GRM7: variants seen among roughly 807,000 people sequenced by gnomAD.
The protein encoded by GRM7 is glutamate metabotropic receptor 7.
Under a neutral mutation model 84.5 loss-of-function variants are expected in GRM7, and 35 were observed. The observed-to-expected ratio is 0.41, with a 90% confidence interval of 0.32 to 0.55. The LOEUF (loss-of-function observed/expected upper bound fraction) is 0.55. GRM7 is among the 20% of genes least tolerant of loss of function. The pLI, the probability that GRM7 is intolerant of heterozygous loss-of-function variation, is 0.19. For synonymous variants in GRM7, 487 were observed against 455.1 expected (o/e 1.07, Z -0.89); for missense variants, 1,003 against 1,194.6 (o/e 0.84, Z 2.36).
At chr3:6,942,021 T>C (rs1033842938) in intron 1 of GRM7, among the ~76,000 whole-genome samples, 8 of 152,248 alleles carry the variant, frequency 5.3e-5, no homozygotes, top group Admixed American at 5.2e-4. Context: ...TGCAAAACTT[T>C]CCAATAAAGG....
intron 8 of GRM7, among the ~76,000 whole-genome samples, chr3:7,653,424 T>A (rs1479082768): frequency 6.6e-6 from 1 of 152,108 alleles, no homozygotes; most frequent in East Asian, 1.9e-4. Flanking sequence ...AAGTAACAGA[T>A]CTGAGAAGCC....
chr3:7,060,800 A>G (rs899719459), intron 1 of GRM7, among the ~76,000 whole-genome samples: 2 of 151,824 alleles, frequency 1.3e-5, no homozygotes. Flanking sequence ...AAGGTAGGAA[A>G]GAATAAAATA....
intron 2 of GRM7, among the ~76,000 whole-genome samples, chr3:7,213,543 A>G (rs894440674): frequency 6.6e-6 from 1 of 152,216 alleles, no homozygotes; most frequent in Admixed American, 6.5e-5. Flanking sequence ...GGTTCTCTGG[A>G]AAACAGCCTA....
intron 1 of GRM7, among the ~76,000 whole-genome samples, chr3:7,012,450 G>A (rs112900704): frequency 0.011 from 1,680 of 152,090 alleles, 28 homozygotes; most frequent in African/African-American, 0.037. Flanking sequence ...ATGGGGCTCC[G>A]GAAACACTAC....
At chr3:7,337,023 T>C (rs1171320579) in intron 4 of GRM7, among the ~76,000 whole-genome samples, 1 of 152,032 alleles carries the variant, frequency 6.6e-6, no homozygotes, top group African/African-American at 2.4e-5. Flanking sequence ...ATCATCATTC[T>C]TCACAGAACT....
At chr3:7,123,633 A>G (rs928836584) in intron 1 of GRM7, among the ~76,000 whole-genome samples, 3 of 152,084 alleles carry the variant, frequency 2.0e-5, no homozygotes, top group Non-Finnish European at 4.4e-5. Context: ...AAGAAAAAAA[A>G]AAAGTGGGAT....
intron 4 of GRM7, among the ~76,000 whole-genome samples, chr3:7,326,660 C>T (rs1292819266): frequency 6.6e-6 from 1 of 151,844 alleles, no homozygotes; most frequent in African/African-American, 2.4e-5. Flanking sequence ...CCAGCCTGAC[C>T]AACATGGCGA....
chr3:7,120,336 T>C (rs1693175233), intron 1 of GRM7, among the ~76,000 whole-genome samples: 1 of 152,100 alleles, frequency 6.6e-6, no homozygotes, highest in Admixed American at 6.6e-5. Context: ...TCTACCTTAA[T>C]TTACATAATA....
At chr3:7,503,221 A>T (rs995961261) in intron 7 of GRM7, among the ~76,000 whole-genome samples, 2 of 152,132 alleles carry the variant, frequency 1.3e-5, no homozygotes, top group Admixed American at 6.5e-5. Context: ...TTTATTGAAA[A>T]TTAAAAATTC....
intron 4 of GRM7, among the ~76,000 whole-genome samples, chr3:7,407,004 A>G (rs183693211): frequency 3.2e-4 from 48 of 152,352 alleles, no homozygotes; most frequent in African/African-American, 1.1e-3. Context: ...GAGGAAGGGT[A>G]GAAAGGCAAG....
chr3:7,277,429 G>A (rs1024266123), intron 2 of GRM7, among the ~76,000 whole-genome samples: 6 of 151,822 alleles, frequency 4.0e-5, no homozygotes, highest in African/African-American at 1.5e-4. Context: ...ATCAGAAGTG[G>A]CATGGGGTAC....
intron 9 of GRM7, among the ~76,000 whole-genome samples, chr3:7,739,373 G>C (rs1194512553): frequency 6.6e-6 from 1 of 152,170 alleles, no homozygotes; most frequent in Non-Finnish European, 1.5e-5. Context: ...ACATTTCTCT[G>C]TCTTGAGTGA....
chr3:7,178,676 C>T (rs1297420190), intron 2 of GRM7, among the ~76,000 whole-genome samples: 2 of 152,256 alleles, frequency 1.3e-5, no homozygotes, highest in South Asian at 2.1e-4. Flanking sequence ...TCCCTCTCAA[C>T]TGGCCTAACA....
At chr3:7,733,026 G>C (rs1324733671) in intron 9 of GRM7, among the ~76,000 whole-genome samples, 2 of 152,156 alleles carry the variant, frequency 1.3e-5, no homozygotes, top group Non-Finnish European at 2.9e-5. Flanking sequence ...AAACTGGTGG[G>C]AGGGTAGCAG....
intron 4 of GRM7, among the ~76,000 whole-genome samples, chr3:7,309,615 C>T (rs1184752087): frequency 3.3e-5 from 5 of 152,038 alleles, no homozygotes; most frequent in Admixed American, 6.6e-5. Flanking sequence ...GATTTTCGGC[C>T]GGCATTTTTC....
chr3:7,715,857 A>G (rs1368358167), intron 9 of GRM7, among the ~76,000 whole-genome samples: 5 of 151,750 alleles, frequency 3.3e-5, no homozygotes, highest in African/African-American at 1.2e-4. Context: ...TCTCCTTCCT[A>G]TTTCTTCTTC....
At chr3:6,867,229 A>G (rs546597741) in intron 1 of GRM7, among the ~76,000 whole-genome samples, 2 of 152,322 alleles carry the variant, frequency 1.3e-5, no homozygotes, top group South Asian at 4.1e-4. Context: ...GCATTAATGT[A>G]AGGTTCACTA....
chr3:7,348,216 A>G (rs901329320), intron 4 of GRM7, among the ~76,000 whole-genome samples: 10 of 152,116 alleles, frequency 6.6e-5, no homozygotes, highest in African/African-American at 1.7e-4. Flanking sequence ...CAGGCCATAT[A>G]TCTATGGACT....
intron 2 of GRM7, among the ~76,000 whole-genome samples, chr3:7,242,861 G>T (rs918716765): frequency 6.6e-6 from 1 of 152,020 alleles, no homozygotes; most frequent in African/African-American, 2.4e-5. Flanking sequence ...TCCCCTCCTG[G>T]CTGAACAGTA....
Sources: allele counts gnomAD v4.1 joint callset (sites outside exome capture counted in the v4.1 genomes callset), GRCh38; gene constraint gnomAD v4.1.1; transcripts MANE v1.5; gene names NCBI Gene and HGNC (gene_info 2026-07-23, HGNC 2026-07-21).